FAT4: variants seen among roughly 807,000 people sequenced by gnomAD.
The protein encoded by FAT4 is FAT atypical cadherin 4.
FAT4 carries 84 observed loss-of-function variants against 303.9 expected under a neutral mutation model. That is an observed-to-expected ratio of 0.28 (90% CI 0.23 to 0.33). FAT4 has a LOEUF of 0.33. Among genes scored for constraint, FAT4 ranks in the 10% least tolerant of loss-of-function variants. FAT4 has a pLI of 1.00. For missense variants in FAT4, 6,005 were observed against 6,146.8 expected (o/e 0.98, Z 0.77); for synonymous variants, 2,307 against 2,298.8 (o/e 1.00, Z -0.10).
chr4:125,340,933 T>TA (rs775661492), intron 2 of FAT4, among the ~76,000 whole-genome samples: 145 of 152,332 alleles, frequency 9.5e-4, no homozygotes, highest in Non-Finnish European at 1.7e-3. Flanking sequence ...TAATAAACTA[T>TA]AACTTAAGTA....
intron 8 of FAT4, among the ~76,000 whole-genome samples, chr4:125,444,331 C>T (rs1242343633): frequency 6.6e-6 from 1 of 152,092 alleles, no homozygotes; most frequent in East Asian, 1.9e-4. Flanking sequence ...GGTGAGCAAT[C>T]ATGTGAGACA....
intron 2 of FAT4, among the ~76,000 whole-genome samples, chr4:125,349,431 A>G (rs754079434): frequency 6.6e-6 from 1 of 151,700 alleles, no homozygotes; most frequent in African/African-American, 2.4e-5. Flanking sequence ...CACAAATGAC[A>G]GAGATGGACT....
intron 2 of FAT4, among the ~76,000 whole-genome samples, chr4:125,351,965 G>A (rs901905889): frequency 1.3e-5 from 2 of 151,570 alleles, no homozygotes; most frequent in Admixed American, 6.6e-5. Context: ...ATTCCAGAAC[G>A]GTTGATGCTA....
intron 3 of FAT4, 47 bp from the exon 4 acceptor site, chr4:125,406,833 A>C (rs1193686583): frequency 1.3e-6 from 2 of 1,584,486 alleles, no homozygotes; most frequent in African/African-American, 2.7e-5. Context: ...ATAAGGAGCA[A>C]TGCTTTTCTA....
Position 125,434,290 on chromosome 4 carries a change from A to T in FAT4, c.7064A>T (p.Asp2355Val), listed in dbSNP as rs1725374258. Residue 2355 changes from aspartate (D) to valine (V), a missense_variant, in exon 8 of 18, where the codon GAT becomes GTT. Asp to Val is a radical substitution (Grantham distance 152). Coordinates refer to ENST00000394329, the MANE Select transcript of FAT4 (RefSeq NM_001291303.3). ...TGTGTINVIV[D>V]DVNDNVPTFA... Reference sequence around the variant, plus strand: ...ACTGGAACAATCAACGTCATAGTAGATGATGTCAATGACAATGTCCCCACA... The same window carrying T: ...ACTGGAACAATCAACGTCATAGTAGTTGATGTCAATGACAATGTCCCCACA... 1.2e-6 allele frequency: 2 copies of T among 1,613,948 alleles called. No homozygotes were observed. Among genetic ancestry groups the T allele is most frequent in the Admixed American group, 1.7e-5 (1 of 60,006 alleles).
intron 8 of FAT4, among the ~76,000 whole-genome samples, chr4:125,440,755 G>GAGTTAT (rs1254357374): frequency 6.6e-6 from 1 of 151,982 alleles, no homozygotes; most frequent in Non-Finnish European, 1.5e-5. Flanking sequence ...CTCGCTGATA[G>GAGTTAT]ACATATTACA....
Position 125,491,661 on chromosome 4 carries a change from T to C in FAT4, c.14845T>C (p.Phe4949Leu). ...GPGFGHYVDV[F>L]KDLASLPEKA... Reference sequence around the variant, plus strand: ...TGGCTTTGGCCATTATGTAGATGTTTTTAAAGATTTGGCATCTCTTCCAGA... The same window carrying C: ...TGGCTTTGGCCATTATGTAGATGTTCTTAAAGATTTGGCATCTCTTCCAGA... Residue 4949 changes from phenylalanine (F) to leucine (L), a missense_variant, in exon 18 of 18, where the codon TTT becomes CTT. By Grantham distance (22) the Phe-to-Leu change is conservative. Coordinates refer to ENST00000394329, the MANE Select transcript of FAT4 (RefSeq NM_001291303.3). 6.2e-7 allele frequency: 1 copy of C among 1,614,162 alleles called. No individual in the cohort carries two copies. The highest frequency in any genetic ancestry group is 8.5e-7 in the Non-Finnish European group (1 of 1,180,034).
intron 7 of FAT4, among the ~76,000 whole-genome samples, chr4:125,420,256 T>G (rs938732028): frequency 6.6e-6 from 1 of 152,144 alleles, no homozygotes; most frequent in African/African-American, 2.4e-5. Flanking sequence ...ACCTTATCCT[T>G]CTCTATCAGA....
chr4:125,397,126 G>A (rs1044256433), intron 2 of FAT4, among the ~76,000 whole-genome samples: 7 of 151,814 alleles, frequency 4.6e-5, no homozygotes, highest in African/African-American at 1.5e-4. Flanking sequence ...TTCCAGATCT[G>A]TCCTAACAGC....
intron 3 of FAT4, 82 bp from the exon 4 acceptor site, chr4:125,406,798 G>T: frequency 6.7e-7 from 1 of 1,484,782 alleles, no homozygotes; most frequent in South Asian, 1.3e-5. Context: ...GCCTTCCTTT[G>T]TCAAATACAT....
chr4:125,465,890 A>G (rs2126073628), intron 11 of FAT4, among the ~76,000 whole-genome samples: 1 of 152,338 alleles, frequency 6.6e-6, no homozygotes, highest in Admixed American at 6.5e-5. Flanking sequence ...AACTAAAGAG[A>G]TAGAAGCAGA....
chr4:125,462,742 G>C (rs1726524597), intron 10 of FAT4, among the ~76,000 whole-genome samples: 1 of 151,950 alleles, frequency 6.6e-6, no homozygotes, highest in African/African-American at 2.4e-5. Flanking sequence ...CCTCCAAGAG[G>C]CTTTTATTCT....
intron 2 of FAT4, among the ~76,000 whole-genome samples, chr4:125,371,572 T>C (rs989059226): frequency 2.2e-4 from 33 of 151,992 alleles, no homozygotes; most frequent in African/African-American, 7.7e-4. Flanking sequence ...GTTAATTTAT[T>C]AAGCAAATAG....
At chr4:125,348,668 C>G (rs1732098354) in intron 2 of FAT4, among the ~76,000 whole-genome samples, 3 of 151,518 alleles carry the variant, frequency 2.0e-5, no homozygotes, top group Non-Finnish European at 1.5e-5. Context: ...AATAGTCAAA[C>G]TTGGAGCAAT....
chr4:125,345,978 T>TA (rs902115893), intron 2 of FAT4, among the ~76,000 whole-genome samples: 6 of 152,170 alleles, frequency 3.9e-5, no homozygotes, highest in East Asian at 1.9e-4. Flanking sequence ...CTCTTTTTTT[T>TA]TATATATAAT....
chr4:125,339,362 A>AT (rs1450349079), intron 2 of FAT4, among the ~76,000 whole-genome samples: 5 of 151,498 alleles, frequency 3.3e-5, no homozygotes, highest in Non-Finnish European at 4.4e-5. Flanking sequence ...CGCCTGGCTA[A>AT]TTTTTTTGTA....
chr4:125,405,725 A>G (rs1322586163), intron 3 of FAT4, among the ~76,000 whole-genome samples: 3 of 151,562 alleles, frequency 2.0e-5, no homozygotes, highest in African/African-American at 7.3e-5. Flanking sequence ...GATGGTCTCG[A>G]TCTCCTGACC....
chr4:125,391,723 T>C (rs1402779478), intron 2 of FAT4, among the ~76,000 whole-genome samples: 1 of 152,186 alleles, frequency 6.6e-6, no homozygotes, highest in East Asian at 1.9e-4. Flanking sequence ...TAAAATATCA[T>C]TTCATAACAT....
rs367933238 is a variant in FAT4 at position 125,434,198 on chromosome 4, T to C, written c.7019-47T>C. 3.1e-5 allele frequency: 48 copies of C among 1,561,110 alleles called. No individual in the cohort carries two copies. The Admixed American group carries it at 9.0e-4, about 29-fold the overall frequency. On this transcript the variant is annotated intron_variant, in intron 7 of 17. Coordinates refer to ENST00000394329, the MANE Select transcript of FAT4 (RefSeq NM_001291303.3). The stretch of plus-strand genomic sequence containing the variant: ...TACAGCTAATTTTTGTTAAATTTGT[T>C]ATTTTTTGTTTATAAACATTGAGAC...
Sources: gnomAD v4.1 joint callset for allele counts (sites outside exome capture counted in the v4.1 genomes callset) on GRCh38, gnomAD v4.1.1 for gene constraint, MANE v1.5 for transcripts, NCBI Gene and HGNC (gene_info 2026-07-23, HGNC 2026-07-21) for gene names.